Variants in NLGN4X observed in about 807,000 individuals in gnomAD.
NLGN4X encodes neuroligin 4 X-linked.
NLGN4X carries 3 observed loss-of-function variants against 40.3 expected under a neutral mutation model. The observed-to-expected ratio is 0.07, with a 90% CI of 0.03 to 0.19. The LOEUF (loss-of-function observed/expected upper bound fraction) is 0.19, where lower values mean the gene tolerates loss of function less well. NLGN4X is among the 10% of genes least tolerant of loss of function. The probability of loss-of-function intolerance (pLI) is 1.00; values close to 1 mark genes in which losing one functional copy is unlikely to be tolerated. For missense variants in NLGN4X, 382 were observed against 708.3 expected (o/e 0.54, Z 5.23); for synonymous variants, 270 against 306.8 (o/e 0.88, Z 1.25).
chrX:6,030,329 G>A (rs939563331), intron 2 of NLGN4X, among the ~76,000 whole-genome samples: 1 of 109,175 alleles, frequency 9.2e-6, no homozygotes. Context: ...ACATTAATCA[G>A]CCATTAGGGC....
At chrX:5,898,598 G>A (rs187767320) in intron 5 of NLGN4X, among the ~76,000 whole-genome samples, 69 of 111,031 alleles carry the variant, frequency 6.2e-4, no homozygotes, top group African/African-American at 2.1e-3. Context: ...TAGAACGCTT[G>A]ACTTAACGCC....
chrX:5,922,781 T>G (rs1418226224), intron 3 of NLGN4X, among the ~76,000 whole-genome samples: 1 of 110,821 alleles, frequency 9.0e-6, no homozygotes, highest in African/African-American at 3.3e-5. Flanking sequence ...GAGAATCGCT[T>G]GAACCTGGGA....
chrX:6,180,861 C>T (rs1921367589), intron 1 of NLGN4X, among the ~76,000 whole-genome samples: 1 of 110,633 alleles, frequency 9.0e-6, no homozygotes, highest in South Asian at 3.9e-4. Flanking sequence ...CAAAGCATTA[C>T]CCTTTAATGT....
intron 1 of NLGN4X, among the ~76,000 whole-genome samples, chrX:6,216,024 G>A (rs868780300): frequency 2.4e-4 from 26 of 110,364 alleles, no homozygotes; most frequent in Admixed American, 2.0e-3. Flanking sequence ...CTACAGGCAC[G>A]TGCCACCACA....
intron 1 of NLGN4X, among the ~76,000 whole-genome samples, chrX:6,214,079 A>G (rs1476243119): frequency 8.9e-6 from 1 of 112,020 alleles, no homozygotes; most frequent in African/African-American, 3.2e-5. Context: ...GTCAACAGAA[A>G]GCATCTCGAT....
At chrX:5,958,064 C>A (rs2034552295) in intron 3 of NLGN4X, among the ~76,000 whole-genome samples, 1 of 111,771 alleles carries the variant, frequency 8.9e-6, no homozygotes, top group African/African-American at 3.2e-5. Flanking sequence ...AGCGAACAAA[C>A]TTCTATTTAA....
chrX:6,046,910 T>C (rs1272629915), intron 2 of NLGN4X, among the ~76,000 whole-genome samples: 1 of 108,369 alleles, frequency 9.2e-6, no homozygotes, highest in African/African-American at 3.3e-5. Context: ...AACCTAATTG[T>C]GTATAAAATG....
intron 2 of NLGN4X, among the ~76,000 whole-genome samples, chrX:6,140,356 T>C (rs891947907): frequency 3.6e-5 from 4 of 109,828 alleles, no homozygotes; most frequent in Non-Finnish European, 5.7e-5. Flanking sequence ...AGTTTAGGTG[T>C]TGTAAAACTT....
chrX:5,976,599 T>C (rs1197780507), intron 3 of NLGN4X, among the ~76,000 whole-genome samples: 1 of 112,257 alleles, frequency 8.9e-6, no homozygotes, highest in Non-Finnish European at 1.9e-5. Context: ...TCTCAAAAAA[T>C]GAAAATAAAT....
intron 1 of NLGN4X, among the ~76,000 whole-genome samples, chrX:6,168,667 GTCTC>G (rs781344942): frequency 1.3e-4 from 15 of 111,281 alleles, no homozygotes; most frequent in Non-Finnish European, 2.4e-4. Flanking sequence ...GAAGAGATGG[GTCTC>G]TCTATGTTGC....
intron 2 of NLGN4X, among the ~76,000 whole-genome samples, chrX:6,043,445 T>C (rs1195380963): frequency 9.0e-6 from 1 of 111,392 alleles, no homozygotes; most frequent in Non-Finnish European, 1.9e-5. Context: ...TTCCTTGTTA[T>C]GAGATTGTGG....
At chrX:6,010,513 T>TTATTATTATTATTATTA (rs2036219317) in intron 3 of NLGN4X, among the ~76,000 whole-genome samples, 2 of 95,389 alleles carry the variant, frequency 2.1e-5, no homozygotes, top group Non-Finnish European at 4.1e-5. Flanking sequence ...TTCTTTTTAT[T>TTATTATTATTATTATTA]TTATTATTAT....
intron 2 of NLGN4X, among the ~76,000 whole-genome samples, chrX:6,096,380 G>A (rs1360754316): frequency 8.9e-6 from 1 of 111,744 alleles, no homozygotes; most frequent in Non-Finnish European, 1.9e-5. Flanking sequence ...CTTGTTATCT[G>A]AAATCACAGC....
chrX:5,966,265 T>C (rs2034829953), intron 3 of NLGN4X, among the ~76,000 whole-genome samples: 1 of 112,665 alleles, frequency 8.9e-6, no homozygotes. Context: ...ACAGACAGTT[T>C]GGCAAAGTAC....
intron 2 of NLGN4X, among the ~76,000 whole-genome samples, chrX:6,076,156 T>C (rs1402755309): frequency 8.9e-6 from 1 of 112,287 alleles, no homozygotes; most frequent in Admixed American, 9.4e-5. Context: ...CAATATGATA[T>C]TTAGTATCTG....
chrX:6,201,473 T>A (rs1923610112), intron 1 of NLGN4X, among the ~76,000 whole-genome samples: 1 of 111,956 alleles, frequency 8.9e-6, no homozygotes, highest in Admixed American at 9.5e-5. Flanking sequence ...TCTTACATAA[T>A]CAATTATTTG....
At chrX:5,974,455 A>G (rs2035117239) in intron 3 of NLGN4X, among the ~76,000 whole-genome samples, 1 of 111,939 alleles carries the variant, frequency 8.9e-6, no homozygotes, top group Non-Finnish European at 1.9e-5. Context: ...CCATGAATTT[A>G]AAGAGGAAAC....
intron 3 of NLGN4X, among the ~76,000 whole-genome samples, chrX:5,991,876 G>C (rs981157147): frequency 3.6e-5 from 4 of 112,037 alleles, no homozygotes; most frequent in African/African-American, 1.3e-4. Flanking sequence ...ATTTAATGAA[G>C]GGGGAAAAGG....
intron 3 of NLGN4X, among the ~76,000 whole-genome samples, chrX:5,964,282 C>T (rs1310386980): frequency 9.0e-6 from 1 of 111,540 alleles, no homozygotes; most frequent in African/African-American, 3.3e-5. Context: ...AAGTGTCTGA[C>T]ATAGATAATT....
Sources: allele counts gnomAD v4.1 joint callset (sites outside exome capture counted in the v4.1 genomes callset), GRCh38; gene constraint gnomAD v4.1.1; transcripts MANE v1.5; gene names NCBI Gene and HGNC (gene_info 2026-07-23, HGNC 2026-07-21).